Variants in AQR observed in about 807,000 individuals in gnomAD.
The protein encoded by AQR is RNA helicase aquarius.
Under a neutral mutation model 180.5 loss-of-function variants are expected in AQR, and 61 were observed. That is an observed-to-expected ratio of 0.34 (90% CI 0.28 to 0.42). The LOEUF (loss-of-function observed/expected upper bound fraction) is 0.42. Ranked by LOEUF, AQR falls within the 10% of genes least tolerant of loss-of-function variation. The pLI is 1.00. For missense variants in AQR, 1,281 were observed against 1,798.3 expected, an observed-to-expected ratio of 0.71 and a Z score of 5.20; for synonymous variants, 551 against 588.8, an observed-to-expected ratio of 0.94 and a Z score of 0.93.
chr15:34,903,346 G>T (rs1893362393), intron 19 of AQR, among the ~76,000 whole-genome samples: 2 of 152,110 alleles, frequency 1.3e-5, no homozygotes, highest in South Asian at 4.2e-4. Flanking sequence ...GTTAAGTGGG[G>T]GTATCAAATC....
At chr15:34,864,989 G>A (rs1444024009) in intron 32 of AQR, among the ~76,000 whole-genome samples, 1 of 152,120 alleles carries the variant, frequency 6.6e-6, no homozygotes, top group Non-Finnish European at 1.5e-5. Context: ...AACAATGGAT[G>A]GATCTGAAAA....
At position 34,900,745 on chromosome 15, in the gene AQR, T is replaced by C. The variant is rs768050340; in HGVS notation, c.2120A>G (p.Asn707Ser). ...ATTGAAATCAAGGGTGGCAATCTGATTGGGCATTTTCGAATAATGTGCACT... is the reference window on the plus strand; with the variant it reads ...ATTGAAATCAAGGGTGGCAATCTGACTGGGCATTTTCGAATAATGTGCACT... ...PSSAHYSKMP[N>S]QIATLDFNDT... Residue 707 changes from asparagine to serine, a missense_variant, in exon 20 of 35, where the codon AAT (asparagine) becomes AGT (serine). Transcript: ENST00000156471. 6 of 1,614,156 alleles carry C rather than the reference T, an allele frequency of 3.7e-6. No homozygotes were observed. In the East Asian group the frequency reaches 1.1e-4, roughly 30 times the overall value.
chr15:34,865,608 G>T (rs1469872292), intron 32 of AQR, among the ~76,000 whole-genome samples: 2 of 152,164 alleles, frequency 1.3e-5, no homozygotes, highest in African/African-American at 4.8e-5. Flanking sequence ...AATTGTATAT[G>T]CATATTCATA....
chr15:34,958,132 C>T (rs1418930207), intron 3 of AQR, among the ~76,000 whole-genome samples: 2 of 152,032 alleles, frequency 1.3e-5, no homozygotes, highest in Non-Finnish European at 2.9e-5. Flanking sequence ...GGCGTGGACC[C>T]GGGAGGCAGA....
chr15:34,888,375 T>C (rs967494099), intron 24 of AQR, among the ~76,000 whole-genome samples: 1 of 151,464 alleles, frequency 6.6e-6, no homozygotes, highest in African/African-American at 2.4e-5. Flanking sequence ...AGTACATTAT[T>C]ACACTTAAAA....
At chr15:34,906,844 T>C in intron 17 of AQR, 132 bp from the exon 18 acceptor site, 1 of 783,750 alleles carries the variant, frequency 1.3e-6, no homozygotes, top group Non-Finnish European at 1.9e-6. Context: ...ATGATTATTA[T>C]CGCATTGTAA....
chr15:34,939,982 A>G (rs1173595432), intron 8 of AQR, among the ~76,000 whole-genome samples: 1 of 152,218 alleles, frequency 6.6e-6, no homozygotes, highest in African/African-American at 2.4e-5. Context: ...ACTACTATAC[A>G]TATCCCAATC....
At chr15:34,956,096 G>A (rs563529563) in intron 3 of AQR, among the ~76,000 whole-genome samples, 2 of 152,114 alleles carry the variant, frequency 1.3e-5, no homozygotes, top group Non-Finnish European at 2.9e-5. Context: ...GAGTTTTTCA[G>A]CCTAGGTGGT....
chr15:34,890,431 C>T, intron 23 of AQR, 107 bp from the exon 24 acceptor site: 6 of 853,896 alleles, frequency 7.0e-6, no homozygotes, highest in East Asian at 2.6e-5. Flanking sequence ...TTATATTAGG[C>T]CATTTATAAT....
chr15:34,919,506 G>C (rs912674665), intron 14 of AQR, among the ~76,000 whole-genome samples: 1 of 152,138 alleles, frequency 6.6e-6, no homozygotes, highest in Non-Finnish European at 1.5e-5. Context: ...ATTTTCTTTT[G>C]TTGGAACTAT....
Position 34,856,877 on chromosome 15 carries a change from G to C in AQR, c.4373C>G (p.Thr1458Ser). ...PEAIPALSET[T>S]PTVVGAVSAP... ...AGATACAGCTCCTACCACAGTAGGG[G>C]TGGTCTCAGATAAAGCAGGGATGGC... The change falls in exon 35 of 35, where the codon ACC becomes AGC. Residue 1458 changes from threonine to serine, a missense_variant. Thr to Ser is a moderately conservative substitution (Grantham distance 58). Transcript: ENST00000156471. The C allele has an allele frequency of 6.2e-7, 1 of 1,613,750 alleles. No homozygotes were observed. Among genetic ancestry groups the C allele is most frequent in the Non-Finnish European group, 8.5e-7 (1 of 1,179,794 alleles).
intron 15 of AQR, 137 bp from the exon 16 acceptor site, chr15:34,915,316 G>A: frequency 1.2e-6 from 1 of 838,190 alleles, no homozygotes; most frequent in Non-Finnish European, 1.7e-6. Context: ...TCAGCCTCCT[G>A]AGTAGCTGGG....
chr15:34,914,992 G>C, intron 16 of AQR, 46 bp downstream of exon 16: 1 of 1,541,730 alleles, frequency 6.5e-7, no homozygotes, highest in South Asian at 1.3e-5. Flanking sequence ...AAGTTTATCA[G>C]TCACTGTTTG....
At chr15:34,908,590 T>G (rs1017726603) in intron 17 of AQR, among the ~76,000 whole-genome samples, 5 of 152,174 alleles carry the variant, frequency 3.3e-5, no homozygotes, top group Non-Finnish European at 5.9e-5. Flanking sequence ...TTATCACTCA[T>G]CCCACAATAC....
At chr15:34,924,630 C>CA (rs1340421257) in intron 13 of AQR, among the ~76,000 whole-genome samples, 1 of 151,988 alleles carries the variant, frequency 6.6e-6, no homozygotes, top group African/African-American at 2.4e-5. Context: ...GGGGTTTCAC[C>CA]ATGTTCGCCA....
chr15:34,891,160 G>A (rs7165841), intron 23 of AQR, among the ~76,000 whole-genome samples: 2,424 of 152,156 alleles, frequency 0.016, 64 homozygotes, highest in African/African-American at 0.056. Context: ...CTCTGAAACT[G>A]AAGAGATTTA....
At chr15:34,896,543 TAAAA>T (rs34623885) in intron 22 of AQR, among the ~76,000 whole-genome samples, 1 of 135,528 alleles carries the variant, frequency 7.4e-6, no homozygotes, top group East Asian at 2.1e-4. Context: ...TAATCTATGT[TAAAA>T]AAAAAAAAAA....
intron 28 of AQR, among the ~76,000 whole-genome samples, chr15:34,875,530 C>T (rs770382782): frequency 6.6e-6 from 1 of 151,940 alleles, no homozygotes; most frequent in Non-Finnish European, 1.5e-5. Context: ...TTAAATAGCA[C>T]AATTTAGCTC....
intron 31 of AQR, chr15:34,869,169 T>G (rs1892779907): frequency 6.6e-6 from 1 of 152,186 alleles, no homozygotes. Flanking sequence ...TGCCAACATT[T>G]GTCATAATGT....
Sources: allele counts gnomAD v4.1 joint callset (sites outside exome capture counted in the v4.1 genomes callset), GRCh38; gene constraint gnomAD v4.1.1; transcripts MANE v1.5; gene names NCBI Gene and HGNC (gene_info 2026-07-23, HGNC 2026-07-21).